Variants in OSBPL1A observed in about 807,000 individuals in gnomAD.
OSBPL1A encodes oxysterol binding protein like 1A, also known as oxysterol-binding protein-related protein 1.
A neutral mutation model predicts 137.1 loss-of-function variants in OSBPL1A; 80 were observed. The ratio of observed to expected loss-of-function variants is 0.58; its 90% CI spans 0.49 to 0.70. The LOEUF is 0.70. Ranked by LOEUF, OSBPL1A falls within the 30% of genes least tolerant of loss-of-function variation. The pLI, the probability that OSBPL1A is intolerant of heterozygous loss-of-function variation, is 0.00. For missense variants in OSBPL1A, 970 were observed against 1,129.4 expected, an observed-to-expected ratio of 0.86 and a Z score of 2.02; for synonymous variants, 365 against 389.7, an observed-to-expected ratio of 0.94 and a Z score of 0.75.
At chr18:24,180,589 A>G (rs973403105) in intron 19 of OSBPL1A, among the ~76,000 whole-genome samples, 1 of 152,062 alleles carries the variant, frequency 6.6e-6, no homozygotes, top group Admixed American at 6.6e-5. Context: ...ATTTAGCAAA[A>G]GCCAGCCGGG....
intron 17 of OSBPL1A, among the ~76,000 whole-genome samples, chr18:24,218,890 T>C (rs1475276861): frequency 6.6e-6 from 1 of 152,204 alleles, no homozygotes; most frequent in African/African-American, 2.4e-5. Flanking sequence ...ATGTGCGGTA[T>C]ATATATTTCA....
intron 18 of OSBPL1A, among the ~76,000 whole-genome samples, chr18:24,188,633 G>A (rs2086812304): frequency 6.6e-6 from 1 of 152,192 alleles, no homozygotes; most frequent in African/African-American, 2.4e-5. Context: ...AGGAGAGGCA[G>A]AACCCAGACT....
intron 5 of OSBPL1A, among the ~76,000 whole-genome samples, chr18:24,339,948 C>T (rs771540034): frequency 2.6e-5 from 4 of 152,094 alleles, no homozygotes; most frequent in South Asian, 2.1e-4. Context: ...TAATAAACAG[C>T]AGGATCTTGG....
In OSBPL1A at chr18:24,246,727, G is replaced by C. The variant is rs763866056; in HGVS notation, c.1282-7345C>G. ...AATCACTTGAACCCGGGAGGCGGAG[G>C]TTGCAGTGAGCCAAGATGGCACCAC... On this transcript the variant is annotated intron_variant, in intron 15 of 27. Transcript: ENST00000319481. 5.3e-5 allele frequency among the ~76,000 whole-genome samples: 8 copies of C among 150,968 alleles called. No homozygotes were observed. In the South Asian group the frequency reaches 1.0e-3, roughly 20 times the overall value.
In OSBPL1A at chr18:24,203,840, C is replaced by T. The variant is rs185910126; in HGVS notation, c.1602-7640G>A. Reference sequence around the variant, plus strand: ...CTATGGTCTGCTTGTCAATACTGCACGCAAATTTGTTGATGTCAAATGGTA... The same window carrying T: ...CTATGGTCTGCTTGTCAATACTGCATGCAAATTTGTTGATGTCAAATGGTA... On this transcript the variant is annotated intron_variant, in intron 17 of 27. Transcript: ENST00000319481. Among the ~76,000 whole-genome samples, 598 of 151,894 alleles carry T rather than the reference C, an allele frequency of 3.9e-3. 4 individuals carry two copies. Among genetic ancestry groups the T allele is most frequent in the Non-Finnish European group, 6.4e-3 (438 of 68,010 alleles).
intron 17 of OSBPL1A, among the ~76,000 whole-genome samples, chr18:24,221,453 T>C (rs960039659): frequency 2.0e-5 from 3 of 152,206 alleles, no homozygotes; most frequent in African/African-American, 4.8e-5. Flanking sequence ...TTCAAGCTAA[T>C]CAAGTGCAAG....
chr18:24,297,879 G>C (rs1256386384), intron 14 of OSBPL1A, among the ~76,000 whole-genome samples: 1 of 152,180 alleles, frequency 6.6e-6, no homozygotes, highest in Non-Finnish European at 1.5e-5. Context: ...GTTGGGTAGA[G>C]TTGTCAGAGA....
chr18:24,376,903 C>G (rs113203369), intron 2 of OSBPL1A, among the ~76,000 whole-genome samples: 2,815 of 152,352 alleles, frequency 0.018, 96 homozygotes, highest in African/African-American at 0.065. Flanking sequence ...CACGCCCACG[C>G]CCACACGGAA....
chr18:24,228,474 G>A (rs973654509), intron 16 of OSBPL1A, among the ~76,000 whole-genome samples: 1 of 152,140 alleles, frequency 6.6e-6, no homozygotes, highest in African/African-American at 2.4e-5. Context: ...CACATCTGAT[G>A]CTGCTGAATT....
chr18:24,187,271 T>C (rs905713514), intron 18 of OSBPL1A, among the ~76,000 whole-genome samples: 1 of 152,046 alleles, frequency 6.6e-6, no homozygotes, highest in Non-Finnish European at 1.5e-5. Flanking sequence ...GAGGGGACGG[T>C]TTCAGTTTTG....
At chr18:24,177,899 T>C in intron 21 of OSBPL1A, 114 bp downstream of exon 21, 2 of 1,049,884 alleles carry the variant, frequency 1.9e-6, no homozygotes, top group Non-Finnish European at 2.7e-6. Context: ...TTGCACTGTA[T>C]GAAAGCTGTT....
intron 15 of OSBPL1A, among the ~76,000 whole-genome samples, chr18:24,259,370 GT>G (rs1222150022): frequency 2.0e-5 from 3 of 152,188 alleles, no homozygotes; most frequent in Admixed American, 2.0e-4. Flanking sequence ...TCTCCCCTTT[GT>G]CATTAGTAAG....
intron 16 of OSBPL1A, among the ~76,000 whole-genome samples, chr18:24,232,791 G>C (rs902088399): frequency 6.7e-5 from 10 of 150,316 alleles, no homozygotes; most frequent in African/African-American, 2.4e-4. Context: ...ATCAGGTAAA[G>C]TGCAAGTTGC....
intron 4 of OSBPL1A, chr18:24,358,449 G>A (rs45485003): frequency 0.11 from 75,664 of 702,184 alleles, 4,871 homozygotes; most frequent in East Asian, 0.23. Context: ...CAGGTGTGAT[G>A]CCACGAGCAC....
intron 14 of OSBPL1A, among the ~76,000 whole-genome samples, chr18:24,284,969 A>G (rs1365222855): frequency 1.3e-5 from 2 of 152,174 alleles, no homozygotes; most frequent in Admixed American, 1.3e-4. Context: ...TTGGGAGGCC[A>G]AGGCAGGAGG....
rs1462766840 is a variant in OSBPL1A, at chr18:24,321,012, G to A, written c.626-2203C>T. Among the ~76,000 whole-genome samples, 40 of 124,564 alleles carry A rather than the reference G, an allele frequency of 3.2e-4. No individual in the cohort carries two copies. In the Admixed American group the frequency reaches 3.5e-3, roughly 11 times the overall value. 81.7% of individuals were successfully genotyped at this position (124,564 alleles called of 152,430 possible). The stretch of plus-strand genomic sequence containing the variant: ...CATTGCACTCCAGCCTGGGGAACAA[G>A]AGCAAGACTTCGTCTCAAAAAAAAA... On this transcript the variant is annotated intron_variant, in intron 7 of 27. Transcript: ENST00000319481.
chr18:24,267,858 T>TA (rs1432168920), intron 15 of OSBPL1A, among the ~76,000 whole-genome samples: 9 of 151,808 alleles, frequency 5.9e-5, no homozygotes, highest in African/African-American at 2.2e-4. Context: ...TTTTTTTTTT[T>TA]TAAATCAGGG....
At chr18:24,348,850 A>G (rs2146168105) in intron 4 of OSBPL1A, among the ~76,000 whole-genome samples, 1 of 152,156 alleles carries the variant, frequency 6.6e-6, no homozygotes, top group East Asian at 1.9e-4. Context: ...AACAAAGTTC[A>G]CCCCACAATG....
chr18:24,363,094 C>T lies in OSBPL1A; in HGVS notation c.282+3798G>A, dbSNP rs138393355. On this transcript the variant is annotated intron_variant, in intron 4 of 27. Transcript: ENST00000319481. ...TACAGCAGAAAACAAATGAGAACACCTACATGCTTGCTAGCATGAGGCTGC... is the reference window on the plus strand; with the variant it reads ...TACAGCAGAAAACAAATGAGAACACTTACATGCTTGCTAGCATGAGGCTGC... Among the ~76,000 whole-genome samples the T allele has an allele frequency of 1.1e-3, 161 of 152,344 alleles. 1 individual carries two copies. The East Asian group carries it at 0.019, about 18-fold the overall frequency.
Sources: allele counts gnomAD v4.1 joint callset (sites outside exome capture counted in the v4.1 genomes callset), GRCh38; gene constraint gnomAD v4.1.1; transcripts MANE v1.5; gene names NCBI Gene and HGNC (gene_info 2026-07-23, HGNC 2026-07-21).